Variants in POMGNT2 observed in about 807,000 individuals in gnomAD.
The protein encoded by POMGNT2 is protein O-linked mannose N-acetylglucosaminyltransferase 2 (beta 1,4-), also known as protein O-linked-mannose beta-1,4-N-acetylglucosaminyltransferase 2.
In POMGNT2, 32 loss-of-function variants were observed where a neutral mutation model predicts 37.8. The observed-to-expected ratio is 0.85, with a 90% CI of 0.64 to 1.14. POMGNT2 has a LOEUF of 1.14. POMGNT2 is among the 50% of genes most tolerant of loss of function. The pLI, the probability that POMGNT2 is intolerant of heterozygous loss-of-function variation, is 0.00. For missense variants in POMGNT2, 705 were observed against 780.6 expected (o/e 0.90, Z 1.15); for synonymous variants, 340 against 336.8 (o/e 1.01, Z -0.10).
At chr3:43,085,308 A>G (rs2089888779) in intron 1 of POMGNT2, among the ~76,000 whole-genome samples, 1 of 152,108 alleles carries the variant, frequency 6.6e-6, no homozygotes, top group African/African-American at 2.4e-5. Context: ...AGTCTAGGCT[A>G]TCTGATATGG....
At chr3:43,100,880 T>TA (rs1241742370) in intron 1 of POMGNT2, among the ~76,000 whole-genome samples, 4 of 152,214 alleles carry the variant, frequency 2.6e-5, no homozygotes, top group African/African-American at 9.6e-5. Flanking sequence ...CGTGAGGAAT[T>TA]AGAGTCTGTA....
In POMGNT2 at chr3:43,098,371, T is replaced by C. The variant is rs1475966325; in HGVS notation, c.-106+7465A>G. ...TTTCCCCCTCCTTTTTTTTTGGTTATCTGAAGTAGTATATGGAACTGGTAT... is the reference window on the plus strand; with the variant it reads ...TTTCCCCCTCCTTTTTTTTTGGTTACCTGAAGTAGTATATGGAACTGGTAT... On this transcript the variant is annotated intron_variant, in intron 1 of 1. Transcript: ENST00000344697. The surrounding 1 kb of genome is among the most constrained non-coding windows in gnomAD (Gnocchi z 4.3). Among the ~76,000 whole-genome samples the C allele has an allele frequency of 1.3e-5, 2 of 152,186 alleles. No individual in the cohort carries two copies. The highest frequency in any genetic ancestry group is 2.9e-5 in the Non-Finnish European group (2 of 68,032).
Position 43,080,779 on chromosome 3 carries a change from G to A in POMGNT2, c.653C>T (p.Ala218Val). Residue 218 changes from alanine (A) to valine (V), a missense_variant, in exon 2 of 2, where the codon GCA becomes GTA. Ala to Val is a moderately conservative substitution (Grantham distance 64). Coordinates refer to ENST00000344697, the MANE Select transcript of POMGNT2 (RefSeq NM_032806.6). ...CAGCCGGCCCAGGGTCTTCAGCTGT[G>A]CCCGCAGGAGAGGCTGCTTGGGGCT... ...LLSPKQPLLR[A>V]QLKTLGRLLC... The A allele has an allele frequency of 1.2e-6, 2 of 1,614,116 alleles. No homozygotes were observed. Among genetic ancestry groups the A allele is most frequent in the Non-Finnish European group, 1.7e-6 (2 of 1,180,034 alleles).
In POMGNT2 at chr3:43,079,494, G is replaced by C; in HGVS notation, c.*195C>G. ...AGGGGTACAAATGTTCAGGATGGGA[G>C]AAGGGGAAGTCAGGTCCCTTATCTC... On this transcript the variant is annotated 3_prime_UTR_variant, in exon 2 of 2. Transcript: ENST00000344697. 1 of 551,614 alleles carries C rather than the reference G, an allele frequency of 1.8e-6. No individual in the cohort carries two copies. Among genetic ancestry groups the C allele is most frequent in the East Asian group, 3.0e-5 (1 of 32,928 alleles). The allele number at this position is 551,614 out of a possible 1,614,324, so 34.2% of individuals were successfully genotyped here.
Position 43,098,830 on chromosome 3 carries a change from T to C in POMGNT2, c.-106+7006A>G, listed in dbSNP as rs1235654333. 1.3e-5 allele frequency among the ~76,000 whole-genome samples: 2 copies of C among 152,158 alleles called. No homozygotes were observed. The highest frequency in any genetic ancestry group is 2.9e-5 in the Non-Finnish European group (2 of 68,018). ...CTGAGGATAAACCAAGGCTTGAGTGTGGGGCAGGACGTTCGGCCTTCCACC... is the reference window on the plus strand; with the variant it reads ...CTGAGGATAAACCAAGGCTTGAGTGCGGGGCAGGACGTTCGGCCTTCCACC... On this transcript the variant is annotated intron_variant, in intron 1 of 1. Transcript: ENST00000344697. This position sits in a 1 kb window ranked among gnomAD's most constrained non-coding sequence, Gnocchi z 4.3.
At chr3:43,095,420 G>A (rs1395760673) in intron 1 of POMGNT2, among the ~76,000 whole-genome samples, 1 of 152,194 alleles carries the variant, frequency 6.6e-6, no homozygotes, top group African/African-American at 2.4e-5. Context: ...AGGACAGATG[G>A]TCTTTGACAT....
intron 1 of POMGNT2, among the ~76,000 whole-genome samples, chr3:43,092,135 T>A (rs1193909140): frequency 6.6e-6 from 1 of 152,218 alleles, no homozygotes; most frequent in Non-Finnish European, 1.5e-5. Flanking sequence ...AATTTCCTGG[T>A]TTTGATCATT....
In POMGNT2 at chr3:43,081,234, G is replaced by C. The variant is rs891731589; in HGVS notation, c.198C>G (p.His66Gln). 6.2e-7 allele frequency: 1 copy of C among 1,613,868 alleles called. No homozygotes were observed. The highest frequency in any genetic ancestry group is 8.5e-7 in the Non-Finnish European group (1 of 1,179,958). The stretch of plus-strand genomic sequence containing the variant: ...TGTGCGTGCGGCCCGTGCACACCAT[G>C]TGTGTGCCGCCCTCCATCAGGATCT... ...ALQILMEGGT[H>Q]MVCTGRTHTD... The change falls in exon 2 of 2, where the codon CAC becomes CAG. Residue 66 changes from histidine (H) to glutamine (Q), a missense_variant. Physicochemically the swap from His to Gln is conservative, Grantham distance 24 (BLOSUM62 0). Coordinates refer to ENST00000344697, the MANE Select transcript of POMGNT2 (RefSeq NM_032806.6).
chr3:43,103,166 T>G (rs927192836), intron 1 of POMGNT2, among the ~76,000 whole-genome samples: 12 of 152,042 alleles, frequency 7.9e-5, no homozygotes, highest in Non-Finnish European at 1.5e-5. Context: ...CCCTTAGAAA[T>G]GATTTCCTCC....
At chr3:43,086,464 G>C (rs778882456) in intron 1 of POMGNT2, among the ~76,000 whole-genome samples, 1 of 152,184 alleles carries the variant, frequency 6.6e-6, no homozygotes, top group Non-Finnish European at 1.5e-5. Context: ...ATGAGTTACT[G>C]TTCTGCTTTA....
Position 43,106,050 on chromosome 3 carries a change from C to T in POMGNT2, c.-320G>A, listed in dbSNP as rs1172227115. 18 of 151,724 alleles carry T rather than the reference C, an allele frequency of 1.2e-4. No individual in the cohort carries two copies. Among genetic ancestry groups the T allele is most frequent in the African/African-American group, 3.6e-4 (15 of 41,464 alleles). 9.4% of individuals were successfully genotyped at this position (151,724 alleles called of 1,614,324 possible). A position where few individuals can be genotyped will look rare whatever the true frequency, so the allele number is the denominator to read the frequency against. On this transcript the variant is annotated 5_prime_UTR_variant, in exon 1 of 2. Transcript: ENST00000344697. Reference sequence around the variant, plus strand: ...CGCAGGTGTCCGCCGTGCGCCTGCCCGGCGGGCGAGCCCGGCGCGGAGCCT... The same window carrying T: ...CGCAGGTGTCCGCCGTGCGCCTGCCTGGCGGGCGAGCCCGGCGCGGAGCCT...
rs144519422 is a variant in POMGNT2 at position 43,080,778 on chromosome 3, T to C, written c.654A>G (p.Ala218=). The C allele has an allele frequency of 2.5e-6, 4 of 1,613,940 alleles. No individual in the cohort carries two copies. The African/African-American group carries it at 4.0e-5, about 16-fold the overall frequency. The change falls in exon 2 of 2, where the codon GCA becomes GCG. Residue 218 remains alanine (A), a synonymous_variant. Coordinates refer to ENST00000344697, the MANE Select transcript of POMGNT2 (RefSeq NM_032806.6). ...GCAGCCGGCCCAGGGTCTTCAGCTG[T>C]GCCCGCAGGAGAGGCTGCTTGGGGC... ...LLSPKQPLLR[A]QLKTLGRLLC...
chr3:43,087,649 G>A (rs1043194945), intron 1 of POMGNT2: 2 of 152,214 alleles, frequency 1.3e-5, no homozygotes, highest in African/African-American at 4.8e-5. Context: ...ATCTAGGACG[G>A]TCAGAACACC....
intron 1 of POMGNT2, among the ~76,000 whole-genome samples, chr3:43,096,435 C>T (rs749122379): frequency 3.3e-5 from 5 of 152,208 alleles, no homozygotes; most frequent in African/African-American, 1.2e-4. Context: ...AAGAGGCTAA[C>T]ACTATTTCTA....
chr3:43,098,201 G>C lies in POMGNT2; in HGVS notation c.-106+7635C>G, dbSNP rs1486401006. 6.6e-6 allele frequency among the ~76,000 whole-genome samples: 1 copy of C among 152,230 alleles called. No homozygotes were observed. Among genetic ancestry groups the C allele is most frequent in the Non-Finnish European group, 1.5e-5 (1 of 68,040 alleles). ...AGAAATCTTATTTTGTCACTGAAAA[G>C]TGTTTTTGTCCTAAATGCAGCCTGA... On this transcript the variant is annotated intron_variant, in intron 1 of 1. Transcript: ENST00000344697. This position sits in a 1 kb window ranked among gnomAD's most constrained non-coding sequence, Gnocchi z 4.3.
chr3:43,094,324 C>T (rs140948278), intron 1 of POMGNT2, among the ~76,000 whole-genome samples: 1 of 152,242 alleles, frequency 6.6e-6, no homozygotes, highest in Admixed American at 6.5e-5. Flanking sequence ...AATAAACACA[C>T]AATTCTCTAG....
chr3:43,081,126 G>A lies in POMGNT2; in HGVS notation c.306C>T (p.Val102=), dbSNP rs1289799462. Reference sequence around the variant, plus strand: ...GCCGGGAGCCCAGGTTGGGCAGCATGACAGAGGTGTTGCCATGGAAGAAGA... The same window carrying A: ...GCCGGGAGCCCAGGTTGGGCAGCATAACAGAGGTGTTGCCATGGAAGAAGA... The part of the protein sequence containing the change: ...EFIFFHGNTS[V]MLPNLGSRRF... The change falls in exon 2 of 2, where the codon GTC becomes GTT. Residue 102 remains valine (V), a synonymous_variant. Transcript: ENST00000344697. 1 of 1,614,242 alleles carries A rather than the reference G, an allele frequency of 6.2e-7. No homozygotes were observed. The highest frequency in any genetic ancestry group is 1.3e-5 in the African/African-American group (1 of 75,072).
chr3:43,079,707 C>G lies in POMGNT2; in HGVS notation c.1725G>C (p.Val575=). 6.2e-7 allele frequency: 1 copy of G among 1,613,200 alleles called. No individual in the cohort carries two copies. Among genetic ancestry groups the G allele is most frequent in the Non-Finnish European group, 8.5e-7 (1 of 1,179,490 alleles). ...NKILLGPFAD[V]LVCNT is the part of the protein sequence containing the mutation. Reference sequence around the variant, plus strand: ...CTGCTCGCTACGTGTTGCACACCAGCACATCTGCAAAGGGTCCCAGGAGGA... The same window carrying G: ...CTGCTCGCTACGTGTTGCACACCAGGACATCTGCAAAGGGTCCCAGGAGGA... The change falls in exon 2 of 2, where the codon GTG becomes GTC. Residue 575 remains valine (V), a synonymous_variant. Transcript: ENST00000344697.
intron 1 of POMGNT2, among the ~76,000 whole-genome samples, chr3:43,084,553 G>A (rs899422160): frequency 6.6e-6 from 1 of 151,886 alleles, no homozygotes; most frequent in African/African-American, 2.4e-5. Flanking sequence ...ACTGAGGCAG[G>A]AGAATGGCAT....
Sources: allele counts gnomAD v4.1 joint callset (sites outside exome capture counted in the v4.1 genomes callset), GRCh38; gene constraint gnomAD v4.1.1; non-coding constraint Gnocchi (gnomAD v3.1); transcripts MANE v1.5; gene names NCBI Gene and HGNC (gene_info 2026-07-23, HGNC 2026-07-21).